Variants in PLCG2 observed in about 807,000 individuals in gnomAD.
PLCG2 encodes 1-phosphatidylinositol 4,5-bisphosphate phosphodiesterase gamma-2.
A neutral mutation model predicts 175.6 loss-of-function variants in PLCG2; 69 were observed. That is an observed-to-expected ratio of 0.39 (90% CI 0.32 to 0.48). PLCG2 has a LOEUF of 0.48. Among genes scored for constraint, PLCG2 ranks in the 20% least tolerant of loss-of-function variants. PLCG2 has a pLI of 0.91. For synonymous variants in PLCG2, 827 were observed against 624.0 expected (o/e 1.33, Z -4.85); for missense variants, 1,798 against 1,650.9 (o/e 1.09, Z -1.54).
chr16:81,776,742 A>G (rs1479552288), upstream of PLCG2, among the ~76,000 whole-genome samples: 2 of 152,084 alleles, frequency 1.3e-5, no homozygotes, highest in African/African-American at 2.4e-5. Context: ...TTTAGTAGAG[A>G]GGGTGTTTTA....
chr16:81,739,828 A>G (rs1211682445), intron 1 of PLCG2: 1 of 152,194 alleles, frequency 6.6e-6, no homozygotes, highest in African/African-American at 2.4e-5. Context: ...AATGAAATGA[A>G]TTAGTAAGTG....
chr16:81,778,044 A>C (rs147482595), upstream of PLCG2, among the ~76,000 whole-genome samples: 11,539 of 83,698 alleles, frequency 0.14, 1,738 homozygotes, highest in Non-Finnish European at 0.15. Flanking sequence ...AAAAAAAAAC[A>C]AAAAAAAAAA....
At chr16:81,868,834 C>A (rs1053663319) in intron 5 of PLCG2, among the ~76,000 whole-genome samples, 2 of 152,170 alleles carry the variant, frequency 1.3e-5, no homozygotes, top group African/African-American at 2.4e-5. Context: ...CAGCCCTTCT[C>A]ACTGGGACAT....
At chr16:81,831,762 A>G (rs1905268006) in intron 2 of PLCG2, among the ~76,000 whole-genome samples, 1 of 152,136 alleles carries the variant, frequency 6.6e-6, no homozygotes. Flanking sequence ...TCTTGCCCCA[A>G]TCCTGCCTTG....
intron 2 of PLCG2, among the ~76,000 whole-genome samples, chr16:81,757,213 C>A (rs12933619): frequency 6.6e-6 from 1 of 151,648 alleles, no homozygotes; most frequent in African/African-American, 2.4e-5. Flanking sequence ...TCAATCATCT[C>A]TTTATCCAAT....
chr16:81,814,717 TG>T (rs1904462808), intron 2 of PLCG2, among the ~76,000 whole-genome samples: 1 of 151,620 alleles, frequency 6.6e-6, no homozygotes, highest in African/African-American at 2.4e-5. Flanking sequence ...AAAGACACCC[TG>T]GGGGACATGA....
At chr16:81,807,478 G>A (rs545206264) in intron 2 of PLCG2, among the ~76,000 whole-genome samples, 138 of 152,286 alleles carry the variant, frequency 9.1e-4, no homozygotes, top group African/African-American at 3.2e-3. Flanking sequence ...CCCCCACATC[G>A]TCATCATTGT....
At chr16:81,853,516 A>G (rs538984789) in intron 2 of PLCG2, among the ~76,000 whole-genome samples, 1 of 152,276 alleles carries the variant, frequency 6.6e-6, no homozygotes, top group African/African-American at 2.4e-5. Context: ...TCTACTTCAG[A>G]TCATCAGGCA....
intron 2 of PLCG2, among the ~76,000 whole-genome samples, chr16:81,762,810 G>A (rs1186051725): frequency 6.6e-6 from 1 of 152,168 alleles, no homozygotes; most frequent in Admixed American, 6.5e-5. Context: ...CTAATCCCAA[G>A]GTTTTGGGTG....
At chr16:81,854,232 G>C (rs982431711) in intron 2 of PLCG2, among the ~76,000 whole-genome samples, 11 of 152,206 alleles carry the variant, frequency 7.2e-5, no homozygotes, top group African/African-American at 2.7e-4. Context: ...GACTCCAGGG[G>C]TTTGTGGGGT....
At chr16:81,798,157 A>T (rs1033923704) in intron 2 of PLCG2, among the ~76,000 whole-genome samples, 3 of 152,122 alleles carry the variant, frequency 2.0e-5, no homozygotes, top group African/African-American at 7.2e-5. Flanking sequence ...TATCTATAAG[A>T]TGGGGTAATA....
intron 26 of PLCG2, chr16:81,935,442 T>C: frequency 2.6e-6 from 2 of 775,354 alleles, no homozygotes; most frequent in Non-Finnish European, 3.1e-6. Context: ...AAAAAAGACC[T>C]TCTACCACAT....
At chr16:81,847,824 C>A (rs1245303437) in intron 2 of PLCG2, among the ~76,000 whole-genome samples, 2 of 152,228 alleles carry the variant, frequency 1.3e-5, no homozygotes, top group Admixed American at 1.3e-4. Context: ...TGTGCATAGG[C>A]TGTATGCAAA....
chr16:81,764,547 T>G (rs1034528118), intron 2 of PLCG2, among the ~76,000 whole-genome samples: 1 of 152,196 alleles, frequency 6.6e-6, no homozygotes, highest in Non-Finnish European at 1.5e-5. Context: ...GCGTGCCCCG[T>G]GCAGGTCTCA....
intron 10 of PLCG2, chr16:81,889,511 A>G: frequency 2.5e-6 from 1 of 398,192 alleles, no homozygotes; most frequent in Non-Finnish European, 4.6e-6. Context: ...GACAGAACCG[A>G]TTGATCAAGG....
intron 13 of PLCG2, chr16:81,897,800 C>G (rs1396853864): frequency 4.4e-6 from 2 of 455,390 alleles, no homozygotes; most frequent in African/African-American, 2.0e-5. Context: ...CCGCCTCAAC[C>G]TCCCAAAGTG....
At position 81,956,697 on chromosome 16, in the gene PLCG2, G is replaced by A. The variant is rs201682723; in HGVS notation, c.3573G>A (p.Glu1191=). 332 of 1,613,626 alleles carry A rather than the reference G, an allele frequency of 2.1e-4. No homozygotes were observed. The African/African-American group carries it at 4.0e-3, about 19-fold the overall frequency. ...LVFCEMRPVL[E]SEEELYSSCR... ...GTTCTCTCCCCTGCATCCTCCAGGA[G>A]AGCGAAGAGGAACTTTACTCCTCCT... The change falls in exon 32 of 33, where the codon GAG becomes GAA. Residue 1191 remains glutamate, a splice_region_variant and synonymous_variant. Coordinates refer to ENST00000564138, the MANE Select transcript of PLCG2 (RefSeq NM_002661.5).
intron 2 of PLCG2, among the ~76,000 whole-genome samples, chr16:81,847,436 G>A (rs748224190): frequency 6.6e-5 from 10 of 152,004 alleles, no homozygotes; most frequent in African/African-American, 2.2e-4. Flanking sequence ...GACGTTGGGG[G>A]TAGGGCTGAA....
chr16:81,762,569 A>C (rs956928185), intron 2 of PLCG2, among the ~76,000 whole-genome samples: 8 of 144,826 alleles, frequency 5.5e-5, no homozygotes, highest in Admixed American at 4.8e-4. Flanking sequence ...ACTCCGTCTC[A>C]AAAAAAAAAA....
Sources: allele counts gnomAD v4.1 joint callset (sites outside exome capture counted in the v4.1 genomes callset), GRCh38; gene constraint gnomAD v4.1.1; transcripts MANE v1.5; gene names NCBI Gene and HGNC (gene_info 2026-07-23, HGNC 2026-07-21).